KIAA1217: variants seen among roughly 807,000 people sequenced by gnomAD.
The protein encoded by KIAA1217 is sickle tail protein homolog.
A neutral mutation model predicts 163.9 loss-of-function variants in KIAA1217; 88 were observed. That is an observed-to-expected ratio of 0.54 (90% CI 0.45 to 0.64). The LOEUF (loss-of-function observed/expected upper bound fraction) is 0.64, where lower values mean the gene tolerates loss of function less well. Among genes scored for constraint, KIAA1217 ranks in the 30% least tolerant of loss-of-function variants. The pLI is 0.00. For synonymous variants in KIAA1217, 903 were observed against 923.1 expected (o/e 0.98, Z 0.39); for missense variants, 2,372 against 2,475.0 (o/e 0.96, Z 0.88).
upstream of KIAA1217, among the ~76,000 whole-genome samples, chr10:24,207,315 CAT>C (rs2067619403): frequency 2.0e-5 from 3 of 148,188 alleles, no homozygotes; most frequent in South Asian, 2.1e-4. Context: ...CACACACACA[CAT>C]ACTTTTCTCC....
At chr10:24,459,795 G>C (rs1485933138) in intron 5 of KIAA1217, among the ~76,000 whole-genome samples, 1 of 152,162 alleles carries the variant, frequency 6.6e-6, no homozygotes, top group Non-Finnish European at 1.5e-5. Flanking sequence ...GCTGGGGATG[G>C]TAGTGTGCAC....
In KIAA1217 at chr10:24,219,794, G is replaced by C. The variant is rs1486516049; in HGVS notation, c.239G>C (p.Gly80Ala). ...CCCCGAAGTTCCAAGGAAATACTGG[G>C]AATGCAAACATCTGAGATGGATCGG... is the stretch of plus-strand genomic sequence containing the variant. ...GGPRSSKEIL[G>A]MQTSEMDRKR... The change falls in exon 2 of 21, where the codon GGA (glycine) becomes GCA (alanine). Residue 80 changes from glycine (G) to alanine (A), a missense_variant. Gly to Ala is a moderately conservative substitution (Grantham distance 60). Coordinates refer to ENST00000376454, the MANE Select transcript of KIAA1217 (RefSeq NM_019590.5). 3 of 1,613,988 alleles carry C rather than the reference G, an allele frequency of 1.9e-6. No homozygotes were observed. Among genetic ancestry groups the C allele is most frequent in the South Asian group, 2.2e-5 (2 of 91,074 alleles).
chr10:23,801,507 C>T (rs1036010811), intron 1 of KIAA1217, among the ~76,000 whole-genome samples: 1 of 152,144 alleles, frequency 6.6e-6, no homozygotes, highest in Admixed American at 6.5e-5. Flanking sequence ...TGGTCCAAAT[C>T]AAAACTCCCT....
chr10:24,323,503 T>C (rs1040651389), intron 2 of KIAA1217, among the ~76,000 whole-genome samples: 1 of 152,212 alleles, frequency 6.6e-6, no homozygotes, highest in African/African-American at 2.4e-5. Flanking sequence ...TAGCAAGGCC[T>C]GGTGTCCCTA....
intron 1 of KIAA1217, among the ~76,000 whole-genome samples, chr10:23,783,193 T>TA (rs1835336430): frequency 6.9e-6 from 1 of 144,626 alleles, no homozygotes; most frequent in African/African-American, 2.6e-5. Context: ...TGATGAGCTT[T>TA]AAAAAAATTG....
intron 2 of KIAA1217, among the ~76,000 whole-genome samples, chr10:24,322,410 T>A (rs1372544221): frequency 6.6e-6 from 1 of 152,144 alleles, no homozygotes; most frequent in East Asian, 1.9e-4. Context: ...GTGTAACCAA[T>A]GTGTCAGGAT....
chr10:23,775,922 TTAACTTCTA>T (rs1169956204), intron 1 of KIAA1217, among the ~76,000 whole-genome samples: 4 of 152,242 alleles, frequency 2.6e-5, no homozygotes, highest in Non-Finnish European at 5.9e-5. Context: ...TGTAGCTGTG[TTAACTTCTA>T]TAACTTCTAT....
At chr10:24,425,870 CA>C (rs2059130348) in intron 3 of KIAA1217, among the ~76,000 whole-genome samples, 1 of 152,186 alleles carries the variant, frequency 6.6e-6, no homozygotes, top group African/African-American at 2.4e-5. Flanking sequence ...TCCATTTTCC[CA>C]TCCCTTGTCA....
intron 2 of KIAA1217, among the ~76,000 whole-genome samples, chr10:24,081,836 A>C (rs2131658392): frequency 6.6e-6 from 1 of 152,324 alleles, no homozygotes; most frequent in East Asian, 1.9e-4. Flanking sequence ...TTGGTCTAAA[A>C]GGACAGAGCA....
intron 1 of KIAA1217, among the ~76,000 whole-genome samples, chr10:23,962,845 G>A (rs905294832): frequency 7.9e-5 from 12 of 152,290 alleles, no homozygotes; most frequent in African/African-American, 2.4e-4. Context: ...AACGGAACAT[G>A]ACCAGCTCCC....
chr10:24,543,238 C>T lies in KIAA1217; in HGVS notation c.3968C>T (p.Thr1323Ile). 1.9e-6 allele frequency: 3 copies of T among 1,613,704 alleles called. No individual in the cohort carries two copies. In the South Asian group the frequency reaches 3.3e-5, roughly 18 times the overall value. The part of the protein sequence containing the change: ...NTDKCHVSSH[T>I]RLTESSVHDF... Reference sequence around the variant, plus strand: ...GATAAGTGTCACGTTTCCTCTCACACTAGACTAACAGAATCAAGCGTGCAT... The same window carrying T: ...GATAAGTGTCACGTTTCCTCTCACATTAGACTAACAGAATCAAGCGTGCAT... The change falls in exon 19 of 21, where the codon ACT becomes ATT. Residue 1323 changes from threonine to isoleucine, a missense_variant. Thr to Ile is a moderately conservative substitution (Grantham distance 89). Coordinates refer to ENST00000376454, the MANE Select transcript of KIAA1217 (RefSeq NM_019590.5).
In KIAA1217 at chr10:24,079,391, G is replaced by A. The variant is rs114227798; in HGVS notation, c.-171+72017G>A. Among the ~76,000 whole-genome samples, 554 of 152,192 alleles carry A rather than the reference G, an allele frequency of 3.6e-3. 2 individuals carry two copies. The highest frequency in any genetic ancestry group is 0.013 in the African/African-American group (529 of 41,532). On this transcript the variant is annotated intron_variant, in intron 2 of 18. Transcript: ENST00000376462. ...AGGCAGTTCTGAGCACCAGAGTTAG[G>A]GTTAGGTAATTTCTGTCCACGCTCT...
At chr10:24,117,380 C>G (rs1464343301) in intron 2 of KIAA1217, among the ~76,000 whole-genome samples, 3 of 152,120 alleles carry the variant, frequency 2.0e-5, no homozygotes, top group African/African-American at 7.2e-5. Context: ...TGGCTCATGC[C>G]TGTAATCCCA....
At chr10:24,532,269 AG>A (rs1306088153) in intron 15 of KIAA1217, among the ~76,000 whole-genome samples, 3 of 152,200 alleles carry the variant, frequency 2.0e-5, no homozygotes, top group Non-Finnish European at 4.4e-5. Context: ...ATTGAAAATG[AG>A]GGTAGGAGGG....
chr10:23,769,734 C>A (rs1396537235), intron 1 of KIAA1217, among the ~76,000 whole-genome samples: 1 of 152,184 alleles, frequency 6.6e-6, no homozygotes, highest in Non-Finnish European at 1.5e-5. Flanking sequence ...CTCAACCTCA[C>A]AGAATTTCAA....
intron 2 of KIAA1217, among the ~76,000 whole-genome samples, chr10:24,283,710 T>C (rs558540065): frequency 6.6e-6 from 1 of 152,262 alleles, no homozygotes; most frequent in South Asian, 2.1e-4. Flanking sequence ...AACTGTCCTC[T>C]AAATTTGCTG....
chr10:23,885,918 C>A (rs1286866498), intron 1 of KIAA1217, among the ~76,000 whole-genome samples: 1 of 151,878 alleles, frequency 6.6e-6, no homozygotes, highest in Non-Finnish European at 1.5e-5. Flanking sequence ...GAAACAGGAA[C>A]AATTGTTGTA....
At chr10:23,894,771 T>C (rs1313569722) in intron 1 of KIAA1217, among the ~76,000 whole-genome samples, 1 of 150,322 alleles carries the variant, frequency 6.7e-6, no homozygotes, top group Non-Finnish European at 1.5e-5. Flanking sequence ...CAAAACAGCA[T>C]GGTACTGGTA....
intron 1 of KIAA1217, among the ~76,000 whole-genome samples, chr10:23,736,014 T>C (rs1208875177): frequency 3.9e-5 from 6 of 152,226 alleles, no homozygotes; most frequent in South Asian, 4.1e-4. Flanking sequence ...CATAAGAAAT[T>C]GCCCAACTAT....
Sources: allele counts gnomAD v4.1 joint callset (sites outside exome capture counted in the v4.1 genomes callset), GRCh38; gene constraint gnomAD v4.1.1; transcripts MANE v1.5; gene names NCBI Gene and HGNC (gene_info 2026-07-23, HGNC 2026-07-21).